The following ABCC4 variants were observed in gnomAD, a reference collection of about 807,000 sequenced individuals.
ABCC4 encodes ATP binding cassette subfamily C member 4 (PEL blood group), also known as ATP-binding cassette sub-family C member 4.
Under a neutral mutation model 168.5 loss-of-function variants are expected in ABCC4, and 102 were observed. That is an observed-to-expected ratio of 0.61 (90% CI 0.52 to 0.71). ABCC4 has a LOEUF of 0.71. Among genes scored for constraint, ABCC4 ranks in the 30% least tolerant of loss-of-function variants. The pLI, the probability that ABCC4 is intolerant of heterozygous loss-of-function variation, is 0.00. For synonymous variants in ABCC4, 617 were observed against 590.7 expected (o/e 1.04, Z -0.65); for missense variants, 1,402 against 1,605.8 (o/e 0.87, Z 2.17).
chr13:95,295,152 AAAT>A (rs2041496842), intron 1 of ABCC4, among the ~76,000 whole-genome samples: 1 of 152,116 alleles, frequency 6.6e-6, no homozygotes, highest in Admixed American at 6.6e-5. Context: ...ATCAACCAGG[AAAT>A]AATGCTTTAA....
intron 3 of ABCC4, among the ~76,000 whole-genome samples, chr13:95,235,163 T>C (rs572216754): frequency 3.9e-5 from 6 of 152,202 alleles, no homozygotes; most frequent in African/African-American, 1.4e-4. Context: ...AGTGCTAGGA[T>C]TACAGATGTG....
At chr13:95,281,293 C>A in intron 1 of ABCC4, among the ~76,000 whole-genome samples, 1 of 82,290 alleles carries the variant, frequency 1.2e-5, no homozygotes. Context: ...GCGACAGAGA[C>A]TCTCTCAAAA....
chr13:95,294,469 TTCACCA>T (rs1218024746), intron 1 of ABCC4, among the ~76,000 whole-genome samples: 1 of 152,174 alleles, frequency 6.6e-6, no homozygotes, highest in Non-Finnish European at 1.5e-5. Context: ...TAGCTGGACT[TTCACCA>T]TCTTGCGGCT....
Position 95,079,627 on chromosome 13 carries a change from G to A in ABCC4, c.2686+3513C>T, listed in dbSNP as rs560056215. 5.3e-5 allele frequency among the ~76,000 whole-genome samples: 8 copies of A among 152,294 alleles called. No homozygotes were observed. The East Asian group carries it at 1.5e-3, about 29-fold the overall frequency. On this transcript the variant is annotated intron_variant, in intron 21 of 30. Transcript: ENST00000645237. ...AGGCGGGTGGATCATCTGAGGTCAG[G>A]AGTTCGAGACCAGCCTGATCAATAT...
At chr13:95,059,125 G>C (rs1232948780) in intron 26 of ABCC4, among the ~76,000 whole-genome samples, 1 of 152,214 alleles carries the variant, frequency 6.6e-6, no homozygotes, top group Non-Finnish European at 1.5e-5. Flanking sequence ...GTTCTGATCG[G>C]GGACTGCGCC....
At chr13:95,269,345 G>A in intron 1 of ABCC4, 1 of 454,436 alleles carries the variant, frequency 2.2e-6, no homozygotes, top group Non-Finnish European at 4.4e-6. Context: ...AGGACTGCTT[G>A]AACACAGGAG....
intron 20 of ABCC4, among the ~76,000 whole-genome samples, chr13:95,083,619 C>T (rs1475442057): frequency 2.0e-5 from 3 of 151,694 alleles, no homozygotes; most frequent in African/African-American, 4.8e-5. Context: ...CTCCCACTCC[C>T]GTGTTCAAGT....
chr13:95,166,000 G>A (rs2037258007), intron 15 of ABCC4, among the ~76,000 whole-genome samples, 158 bp downstream of exon 15: 1 of 152,156 alleles, frequency 6.6e-6, no homozygotes, highest in Admixed American at 6.5e-5. Flanking sequence ...GTTTGCCTTG[G>A]TTCCGTTTTA....
intron 21 of ABCC4, among the ~76,000 whole-genome samples, chr13:95,078,468 T>C (rs1325427182): frequency 5.3e-5 from 8 of 152,058 alleles, no homozygotes; most frequent in Middle Eastern, 3.4e-3. Context: ...ACACACAGAG[T>C]AACCTTTTAC....
intron 1 of ABCC4, among the ~76,000 whole-genome samples, chr13:95,294,352 G>C (rs1275875298): frequency 6.6e-6 from 1 of 151,246 alleles, no homozygotes; most frequent in Admixed American, 6.6e-5. Context: ...GACAGAGATA[G>C]ACTCCGTCTC....
At chr13:95,108,158 G>A (rs2035072729) in intron 20 of ABCC4, among the ~76,000 whole-genome samples, 2 of 152,084 alleles carry the variant, frequency 1.3e-5, no homozygotes, top group Admixed American at 1.3e-4. Flanking sequence ...AGGAAACTAA[G>A]TTTGTCTACC....
intron 3 of ABCC4, among the ~76,000 whole-genome samples, chr13:95,240,616 C>T (rs2039913941): frequency 6.6e-6 from 1 of 151,944 alleles, no homozygotes; most frequent in African/African-American, 2.4e-5. Flanking sequence ...CAAGAGTGGT[C>T]ATGAGTTGAT....
At chr13:95,110,985 G>GAA (rs35464540) in intron 20 of ABCC4, among the ~76,000 whole-genome samples, 67 of 123,280 alleles carry the variant, frequency 5.4e-4, no homozygotes, top group African/African-American at 2.0e-3. Context: ...AAAAAAGAAA[G>GAA]AAAAAAAAAA....
chr13:95,271,073 G>C (rs968555793), intron 1 of ABCC4, among the ~76,000 whole-genome samples: 4 of 152,064 alleles, frequency 2.6e-5, no homozygotes, highest in Non-Finnish European at 5.9e-5. Context: ...CCAGCCTGGG[G>C]GACAGAGCCA....
At chr13:95,135,534 T>C (rs577251225) in intron 19 of ABCC4, among the ~76,000 whole-genome samples, 33 of 151,614 alleles carry the variant, frequency 2.2e-4, no homozygotes, top group African/African-American at 7.7e-4. Context: ...CACCTCAGCC[T>C]CCCAAGTAGC....
At chr13:95,178,594 C>T (rs954820490) in intron 11 of ABCC4, among the ~76,000 whole-genome samples, 27 of 152,246 alleles carry the variant, frequency 1.8e-4, no homozygotes, top group African/African-American at 6.5e-4. Flanking sequence ...GCACAGAGTG[C>T]AGGAAGAGTG....
At chr13:95,025,477 C>CACCCATAA (rs1232133277) in intron 30 of ABCC4, among the ~76,000 whole-genome samples, 3 of 37,076 alleles carry the variant, frequency 8.1e-5, no homozygotes, top group African/African-American at 2.9e-4. Flanking sequence ...CACACCCATA[C>CACCCATAA]ACATACACAC....
chr13:95,070,412 G>A (rs1392093355), intron 25 of ABCC4, among the ~76,000 whole-genome samples: 2 of 152,142 alleles, frequency 1.3e-5, no homozygotes, highest in East Asian at 1.9e-4. Context: ...TGTGAGGAGA[G>A]GGGTGGGAAG....
In ABCC4 at chr13:95,244,667, A is replaced by AAGAAAGAAAGAAAGAAAGAG. The variant is rs1458093886; in HGVS notation, c.306+2307_306+2308insCTCTTTCTTTCTTTCTTTCT. ...AAAGAAAGAAAGAAAGAAAGAAAGAAAGAAATCATAGCAGTTCCTGGTACA... is the reference window on the plus strand; with the variant it reads ...AAAGAAAGAAAGAAAGAAAGAAAGAAAGAAAGAAAGAAAGAAAGAGAGAAATCATAGCAGTTCCTGGTACA... On this transcript the variant is annotated intron_variant, in intron 3 of 30. Coordinates refer to ENST00000645237, the MANE Select transcript of ABCC4 (RefSeq NM_005845.5). Among the ~76,000 whole-genome samples the AAGAAAGAAAGAAAGAAAGAG allele has an allele frequency of 1.6e-5, 2 of 128,636 alleles. 1 individual carries two copies. The highest frequency in any genetic ancestry group is 5.8e-5 in the African/African-American group (2 of 34,488). 84.4% of individuals were successfully genotyped at this position (128,636 alleles called of 152,430 possible). A position where few individuals can be genotyped will look rare whatever the true frequency, so the allele number is the denominator to read the frequency against.
Sources: gnomAD v4.1 joint callset for allele counts (sites outside exome capture counted in the v4.1 genomes callset) on GRCh38, gnomAD v4.1.1 for gene constraint, MANE v1.5 for transcripts, NCBI Gene and HGNC (gene_info 2026-07-23, HGNC 2026-07-21) for gene names.